KRT86: variants seen among roughly 807,000 people sequenced by gnomAD.
The protein encoded by KRT86 is keratin, type II cuticular Hb6.
In KRT86, 30 loss-of-function variants were observed where a neutral mutation model predicts 41.2. That is an observed-to-expected ratio of 0.73 (90% CI 0.54 to 0.99). The LOEUF (loss-of-function observed/expected upper bound fraction) is 0.99. Among genes scored for constraint, KRT86 ranks in the 50% least tolerant of loss-of-function variants. KRT86 has a pLI of 0.00. For missense variants in KRT86, 561 were observed against 571.4 expected (o/e 0.98, Z 0.19); for synonymous variants, 238 against 238.1 (o/e 1.00, Z 0.00).
chr12:52,305,857 C>A, intron 8 of KRT86, 69 bp downstream of exon 8: 1 of 1,610,080 alleles, frequency 6.2e-7, no homozygotes, highest in East Asian at 2.2e-5. Flanking sequence ...CCTATGTGTG[C>A]CCTATCTGGA....
Position 52,275,766 on chromosome 12 carries a change from C to T in KRT86, c.-130-55C>T, listed in dbSNP as rs1942546886. The stretch of plus-strand genomic sequence containing the variant: ...GGTGACAGCAGGTGGATGGGCAGCC[C>T]TGTCTGGCCTCCTCACCTCCTGACT... On this transcript the variant is annotated intron_variant, in intron 1 of 10. Transcript: ENST00000423955. The T allele has an allele frequency of 4.5e-6, 4 of 893,838 alleles. No individual in the cohort carries two copies. In the South Asian group the frequency reaches 2.0e-4, roughly 46 times the overall value. The allele number at this position is 893,838 out of a possible 1,614,324, so 55.4% of individuals were successfully genotyped here.
Position 52,305,299 on chromosome 12 carries a change from C to G in KRT86, c.795C>G (p.Asn265Lys), listed in dbSNP as rs1005640628. ...CCTCCGTGGTTGTCAAGCTGGACAA[C>G]AGCCGGGACCTGAACATGGACTGCA... Reference protein sequence around the residue: ...SDTSVVVKLDNSRDLNMDCII... With the variant: ...SDTSVVVKLDKSRDLNMDCII... The change falls in exon 7 of 11, where the codon AAC becomes AAG. Residue 265 changes from asparagine to lysine, a missense_variant. Physicochemically the swap from Asn to Lys is moderately conservative, Grantham distance 94 (BLOSUM62 0). Coordinates refer to ENST00000423955, the MANE Select transcript of KRT86 (RefSeq NM_001320198.2). The G allele has an allele frequency of 1.9e-6, 3 of 1,614,246 alleles. No homozygotes were observed. Among genetic ancestry groups the G allele is most frequent in the Admixed American group, 3.3e-5 (2 of 60,032 alleles).
chr12:52,295,065 A>G (rs544097101), intron 2 of KRT86, among the ~76,000 whole-genome samples: 3 of 152,332 alleles, frequency 2.0e-5, no homozygotes, highest in Non-Finnish European at 2.9e-5. Flanking sequence ...AGCTGCTATG[A>G]ACATCCTTTC....
At chr12:52,293,833 G>T (rs1938190738) in intron 2 of KRT86, among the ~76,000 whole-genome samples, 1 of 152,138 alleles carries the variant, frequency 6.6e-6, no homozygotes, top group Non-Finnish European at 1.5e-5. Context: ...GAAGAAAAGA[G>T]AAGTGAAATG....
intron 2 of KRT86, among the ~76,000 whole-genome samples, chr12:52,300,964 G>A (rs978120898): frequency 1.4e-4 from 22 of 152,122 alleles, no homozygotes; most frequent in Admixed American, 6.5e-4. Flanking sequence ...TCCTGAGGCC[G>A]CATGGGACAC....
rs370107494 is a variant in KRT86, at chr12:52,287,764, C to T, written c.-5+11818C>T. The stretch of plus-strand genomic sequence containing the variant: ...GCTCATGAGGTTCAGGGTGGGACCT[C>T]CCATCCATTCAGGACACCACAGATG... On this transcript the variant is annotated intron_variant, in intron 2 of 10. Transcript: ENST00000423955. 3.1e-5 allele frequency: 50 copies of T among 1,614,024 alleles called. No individual in the cohort carries two copies. In the East Asian group the frequency reaches 4.5e-4, roughly 14 times the overall value.
chr12:52,305,572 G>A, intron 7 of KRT86, 91 bp from the exon 8 acceptor site: 1 of 1,608,656 alleles, frequency 6.2e-7, no homozygotes, highest in East Asian at 2.2e-5. Flanking sequence ...TGCACAGGCT[G>A]AGCACTGCAC....
intron 2 of KRT86, chr12:52,287,474 G>A: frequency 6.3e-7 from 1 of 1,591,468 alleles, no homozygotes; most frequent in Non-Finnish European, 8.6e-7. Context: ...ACCACGACCA[G>A]GGACTCTACA....
rs200241229 is a variant in KRT86, at chr12:52,283,470, ATTTTTTTT to A, written c.-5+7542_-5+7549del. On this transcript the variant is annotated intron_variant, in intron 2 of 10. Coordinates refer to ENST00000423955, the MANE Select transcript of KRT86 (RefSeq NM_001320198.2). ...ATGTTAGTAGCCACCTAATCCAAGC[ATTTTTTTT>A]TTTTTTTTTTTTTTTTTGAGACAGA... 1.4e-3 allele frequency among the ~76,000 whole-genome samples: 91 copies of A among 65,352 alleles called. 1 individual carries two copies. The highest frequency in any genetic ancestry group is 0.012 in the East Asian group (22 of 1,764). The allele number at this position is 65,352 out of a possible 152,430, so 42.9% of individuals were successfully genotyped here.
intron 2 of KRT86, among the ~76,000 whole-genome samples, chr12:52,291,820 G>T (rs1938135793): frequency 6.6e-6 from 1 of 152,112 alleles, no homozygotes. Context: ...CAGAGGAGAG[G>T]ACGAGAAGGA....
At chr12:52,279,974 G>A (rs747605395) in intron 2 of KRT86, among the ~76,000 whole-genome samples, 10 of 152,138 alleles carry the variant, frequency 6.6e-5, no homozygotes, top group South Asian at 4.1e-4. Context: ...CGAGGAAACC[G>A]AGCAGAAACA....
intron 2 of KRT86, among the ~76,000 whole-genome samples, chr12:52,278,438 GTT>G (rs10684723): frequency 0.011 from 1,392 of 127,988 alleles, 13 homozygotes; most frequent in African/African-American, 0.037. Flanking sequence ...AGAAAGTGTA[GTT>G]TTTTTTTTTT....
chr12:52,291,907 A>G (rs1038528724), intron 2 of KRT86, among the ~76,000 whole-genome samples: 1 of 152,078 alleles, frequency 6.6e-6, no homozygotes, highest in African/African-American at 2.4e-5. Context: ...CTGTGTGTTA[A>G]GTGTGATGTG....
chr12:52,293,951 GA>G (rs1938192848), intron 2 of KRT86, among the ~76,000 whole-genome samples: 1 of 151,958 alleles, frequency 6.6e-6, no homozygotes, highest in South Asian at 2.1e-4. Context: ...GAGAGGAGAG[GA>G]AAAAAATAGA....
chr12:52,306,394 C>G, intron 9 of KRT86, 114 bp downstream of exon 9: 1 of 1,519,170 alleles, frequency 6.6e-7, no homozygotes, highest in Non-Finnish European at 9.0e-7. Flanking sequence ...ACCCTGCAAC[C>G]AGACAGGTAA....
At position 52,307,628 on chromosome 12, in the gene KRT86, TC is replaced by T. The variant is rs538329394; in HGVS notation, c.1248-603del. Among the ~76,000 whole-genome samples the T allele has an allele frequency of 1.3e-4, 20 of 152,330 alleles. No individual in the cohort carries two copies. The South Asian group carries it at 4.1e-3, about 32-fold the overall frequency. Reference sequence around the variant, plus strand: ...TGTCCTCCTTCTGGGCCTCAGCCTTTCCATCTGCCGGATGAGAGGACTGTGG... The same window carrying T: ...TGTCCTCCTTCTGGGCCTCAGCCTTTCATCTGCCGGATGAGAGGACTGTGG... On this transcript the variant is annotated intron_variant, in intron 9 of 10. Transcript: ENST00000423955.
At chr12:52,282,515 C>A (rs955138597) in intron 2 of KRT86, among the ~76,000 whole-genome samples, 2 of 152,192 alleles carry the variant, frequency 1.3e-5, no homozygotes, top group Non-Finnish European at 2.9e-5. Flanking sequence ...GGATTACAGG[C>A]GTGAGCCACC....
chr12:52,308,399 T>A lies in KRT86; in HGVS notation c.1280-5T>A. The A allele has an allele frequency of 6.2e-7, 1 of 1,611,370 alleles. No individual in the cohort carries two copies. The highest frequency in any genetic ancestry group is 8.5e-7 in the Non-Finnish European group (1 of 1,179,386). On this transcript the variant is annotated splice_polypyrimidine_tract_variant and splice_region_variant and intron_variant, in intron 10 of 10. Transcript: ENST00000423955. ...GACGCGCGCCTCCGTCTCTTTCCCC[T>A]GCAGGCGTCAGCAGCTCCCGCGGTG...
chr12:52,286,270 G>C, intron 2 of KRT86: 2 of 1,553,902 alleles, frequency 1.3e-6, no homozygotes. Context: ...ATTTCCGGCA[G>C]CTGCTGCCGC....
Sources: gnomAD v4.1 joint callset for allele counts (sites outside exome capture counted in the v4.1 genomes callset) on GRCh38, gnomAD v4.1.1 for gene constraint, MANE v1.5 for transcripts, NCBI Gene and HGNC (gene_info 2026-07-23, HGNC 2026-07-21) for gene names.